CORO7: variants seen among roughly 807,000 people sequenced by gnomAD.
CORO7 encodes the protein coronin 7, also known as coronin-7.
CORO7 carries 107 observed loss-of-function variants against 126.6 expected under a neutral mutation model. The observed-to-expected ratio is 0.85, with a 90% CI of 0.72 to 0.99. The LOEUF (loss-of-function observed/expected upper bound fraction) is 0.99, where lower values mean the gene tolerates loss of function less well. Among genes scored for constraint, CORO7 ranks in the 50% least tolerant of loss-of-function variants. The pLI, the probability that CORO7 is intolerant of heterozygous loss-of-function variation, is 0.00. For missense variants in CORO7, 1,314 were observed against 1,255.8 expected, an observed-to-expected ratio of 1.05 and a Z score of -0.70; for synonymous variants, 603 against 536.8, an observed-to-expected ratio of 1.12 and a Z score of -1.70.
At chr16:4,391,470 C>T (rs1347066198) in intron 7 of CORO7, among the ~76,000 whole-genome samples, 6 of 152,154 alleles carry the variant, frequency 3.9e-5, no homozygotes, top group African/African-American at 1.4e-4. Flanking sequence ...GCGGGAGAAT[C>T]GCTTGAACCT....
chr16:4,415,124 G>C (rs2056358798), intron 1 of CORO7, among the ~76,000 whole-genome samples: 2 of 152,018 alleles, frequency 1.3e-5, no homozygotes, highest in Admixed American at 1.3e-4. Context: ...CCAAAGTACT[G>C]GGATTACCGT....
At chr16:4,377,337 CTGGGATCACCGGG>C (rs1383492543) in intron 9 of CORO7, among the ~76,000 whole-genome samples, 7 of 129,714 alleles carry the variant, frequency 5.4e-5, no homozygotes, top group Non-Finnish European at 1.1e-4. Flanking sequence ...AGCCCAGGTC[CTGGGATCACCGGG>C]TGGGAGGGTG....
At chr16:4,356,907 C>T in intron 26 of CORO7, 2 of 545,810 alleles carry the variant, frequency 3.7e-6, no homozygotes. Flanking sequence ...TCCAAGGTCC[C>T]AAAAGCACTT....
chr16:4,360,796 C>T, intron 19 of CORO7, 147 bp downstream of exon 19: 2 of 1,467,324 alleles, frequency 1.4e-6, no homozygotes, highest in East Asian at 2.5e-5. Flanking sequence ...TGGCCCCCCT[C>T]TCCTCACTGC....
At chr16:4,407,202 C>T (rs1240704190) in intron 5 of CORO7, among the ~76,000 whole-genome samples, 2 of 151,782 alleles carry the variant, frequency 1.3e-5, no homozygotes, top group Non-Finnish European at 2.9e-5. Flanking sequence ...CCTACCTCGG[C>T]CTCCCAGAGT....
chr16:4,374,310 C>A (rs899957937), intron 9 of CORO7, among the ~76,000 whole-genome samples: 2 of 152,108 alleles, frequency 1.3e-5, no homozygotes, highest in African/African-American at 4.8e-5. Context: ...CGCGCTGGGC[C>A]GCCGGCCTCC....
intron 6 of CORO7, among the ~76,000 whole-genome samples, chr16:4,400,975 A>G (rs1017004611): frequency 2.6e-5 from 4 of 152,128 alleles, no homozygotes; most frequent in Non-Finnish European, 4.4e-5. Flanking sequence ...ACTGTTCTCG[A>G]AAATAGTCCA....
intron 4 of CORO7, 30 bp from the exon 5 acceptor site, chr16:4,407,714 G>T (rs767003398): frequency 2.6e-6 from 4 of 1,537,638 alleles, no homozygotes; most frequent in Non-Finnish European, 3.5e-6. Context: ...CGTGAGCACA[G>T]GGCTGAGGGC....
intron 6 of CORO7, among the ~76,000 whole-genome samples, chr16:4,398,161 C>T (rs2055668932): frequency 6.6e-6 from 1 of 151,744 alleles, no homozygotes; most frequent in African/African-American, 2.4e-5. Flanking sequence ...CTCGAGTAAT[C>T]CTTCTGCCTC....
At chr16:4,415,969 G>A (rs1469671431) in intron 1 of CORO7, 1 of 803,992 alleles carries the variant, frequency 1.2e-6, no homozygotes, top group Non-Finnish European at 1.5e-6. Flanking sequence ...TGCGGCCGAG[G>A]GGCTCCCTCC....
chr16:4,392,752 C>T (rs2055439066), intron 7 of CORO7, among the ~76,000 whole-genome samples: 1 of 152,246 alleles, frequency 6.6e-6, no homozygotes, highest in Non-Finnish European at 1.5e-5. Flanking sequence ...AGCGGTTTTC[C>T]TAATAGAAGC....
At chr16:4,363,666 C>G (rs368020788) in intron 14 of CORO7, among the ~76,000 whole-genome samples, 1 of 151,410 alleles carries the variant, frequency 6.6e-6, no homozygotes, top group Non-Finnish European at 1.5e-5. Context: ...GAGCCGAGAT[C>G]GCACCATTGC....
chr16:4,374,924 G>A (rs1370439113), intron 9 of CORO7, among the ~76,000 whole-genome samples: 1 of 152,104 alleles, frequency 6.6e-6, no homozygotes. Flanking sequence ...CTTACTAGAT[G>A]GGTGCTTGCC....
Position 4,365,012 on chromosome 16 carries a change from G to C in CORO7, c.889C>G (p.Leu297Val), listed in dbSNP as rs1404706386. ...AGGAAGCAAGGCTTACCTGGGCTCA[G>C]CGCCGGCTGCTGCGGGACCACCTCG... ...CYEVVPQQPALSPVTQCVLES... is the reference protein window; with the variant it reads ...CYEVVPQQPAVSPVTQCVLES... The change falls in exon 11 of 28, where the codon CTG becomes GTG. Residue 297 changes from leucine to valine, a missense_variant. Physicochemically the swap from Leu to Val is conservative, Grantham distance 32. Coordinates refer to ENST00000251166, the MANE Select transcript of CORO7 (RefSeq NM_024535.5). 6.2e-7 allele frequency: 1 copy of C among 1,606,208 alleles called. No individual in the cohort carries two copies. Among genetic ancestry groups the C allele is most frequent in the East Asian group, 2.2e-5 (1 of 44,562 alleles).
At chr16:4,377,219 C>G (rs996878723) in intron 9 of CORO7, among the ~76,000 whole-genome samples, 1 of 152,154 alleles carries the variant, frequency 6.6e-6, no homozygotes, top group African/African-American at 2.4e-5. Flanking sequence ...CTTCCCACCC[C>G]CCGACGTCCC....
intron 7 of CORO7, among the ~76,000 whole-genome samples, chr16:4,394,106 C>T (rs1486806839): frequency 1.3e-5 from 2 of 151,326 alleles, no homozygotes; most frequent in African/African-American, 4.9e-5. Flanking sequence ...ATCTCCCCAC[C>T]CAAAAAAAGA....
At chr16:4,403,271 C>G (rs554857380) in intron 6 of CORO7, among the ~76,000 whole-genome samples, 3 of 152,206 alleles carry the variant, frequency 2.0e-5, no homozygotes, top group Non-Finnish European at 4.4e-5. Context: ...GGCCGCCCCC[C>G]ACTCCCGGCT....
chr16:4,372,155 T>A (rs1040438378), intron 9 of CORO7, among the ~76,000 whole-genome samples: 19 of 151,784 alleles, frequency 1.3e-4, no homozygotes, highest in African/African-American at 4.4e-4. Flanking sequence ...GGGCAGGCCC[T>A]GTACGCTCCC....
At chr16:4,368,186 A>G (rs1273082813) in intron 9 of CORO7, among the ~76,000 whole-genome samples, 1 of 151,898 alleles carries the variant, frequency 6.6e-6, no homozygotes, top group Non-Finnish European at 1.5e-5. Context: ...GTCTCTACTA[A>G]AAATACAAAA....
Sources: allele counts gnomAD v4.1 joint callset (sites outside exome capture counted in the v4.1 genomes callset), GRCh38; gene constraint gnomAD v4.1.1; transcripts MANE v1.5; gene names NCBI Gene and HGNC (gene_info 2026-07-23, HGNC 2026-07-21).